Variants in NBEA observed in about 807,000 individuals in gnomAD.
The protein encoded by NBEA is lysosomal-trafficking regulator 2.
Under a neutral mutation model 343.4 loss-of-function variants are expected in NBEA, and 44 were observed. The observed-to-expected ratio is 0.13, with a 90% CI of 0.10 to 0.16. The LOEUF (loss-of-function observed/expected upper bound fraction) is 0.16, where lower values mean the gene tolerates loss of function less well. NBEA is among the 10% of genes least tolerant of loss of function. The probability of loss-of-function intolerance (pLI) is 1.00; values close to 1 mark genes in which losing one functional copy is unlikely to be tolerated. For synonymous variants in NBEA, 1,175 were observed against 1,238.7 expected (o/e 0.95, Z 1.08); for missense variants, 2,555 against 3,631.3 (o/e 0.70, Z 7.62).
chr13:35,523,506 G>T (rs1258608771), intron 41 of NBEA, among the ~76,000 whole-genome samples: 1 of 152,116 alleles, frequency 6.6e-6, no homozygotes. Context: ...GAGCAGTCTG[G>T]GCTGGACCCT....
At chr13:35,246,926 G>A (rs956025472) in intron 34 of NBEA, among the ~76,000 whole-genome samples, 1 of 152,120 alleles carries the variant, frequency 6.6e-6, no homozygotes, top group African/African-American at 2.4e-5. Context: ...GCAGGGTTAG[G>A]CATTTCTGAG....
intron 16 of NBEA, 69 bp downstream of exon 16, chr13:35,118,543 C>T (rs1192143720): frequency 6.4e-6 from 7 of 1,097,796 alleles, no homozygotes; most frequent in Middle Eastern, 6.0e-4. Context: ...AGAATAACTG[C>T]TATTCTATGA....
At chr13:35,104,415 T>C (rs1362600156) in intron 11 of NBEA, among the ~76,000 whole-genome samples, 1 of 151,938 alleles carries the variant, frequency 6.6e-6, no homozygotes, top group African/African-American at 2.4e-5. Flanking sequence ...TATATATTTT[T>C]GTCTCCCCTT....
intron 18 of NBEA, among the ~76,000 whole-genome samples, chr13:35,142,976 A>G (rs2068178854): frequency 6.6e-6 from 1 of 152,176 alleles, no homozygotes; most frequent in Admixed American, 6.5e-5. Flanking sequence ...GTAAAATGTT[A>G]GTAATGTCCC....
chr13:35,146,710 C>T (rs1006702625), intron 18 of NBEA, among the ~76,000 whole-genome samples: 1 of 152,236 alleles, frequency 6.6e-6, no homozygotes. Context: ...TGAAGCATCC[C>T]TCTGGGTGAC....
intron 41 of NBEA, among the ~76,000 whole-genome samples, chr13:35,496,211 C>T (rs1204715573): frequency 2.0e-5 from 3 of 151,936 alleles, no homozygotes; most frequent in African/African-American, 7.2e-5. Flanking sequence ...ACACAAACTC[C>T]TGGGTTTAAG....
At chr13:35,069,761 TA>T in intron 8 of NBEA, 146 bp from the exon 9 acceptor site, 1 of 435,276 alleles carries the variant, frequency 2.3e-6, no homozygotes, top group Non-Finnish European at 4.0e-6. Context: ...GAAGTGACAA[TA>T]ACAAAGTAAG....
intron 11 of NBEA, among the ~76,000 whole-genome samples, chr13:35,107,779 G>T (rs530694373): frequency 3.9e-5 from 6 of 152,000 alleles, no homozygotes; most frequent in Admixed American, 1.3e-4. Context: ...CTACCTTTAA[G>T]GTAAAGGAAA....
At chr13:35,277,097 A>C (rs1161120475) in intron 34 of NBEA, among the ~76,000 whole-genome samples, 1 of 152,190 alleles carries the variant, frequency 6.6e-6, no homozygotes, top group Non-Finnish European at 1.5e-5. Flanking sequence ...TATATGTAAA[A>C]ATTCAGCTAG....
intron 33 of NBEA, among the ~76,000 whole-genome samples, chr13:35,228,099 A>G (rs2152766983): frequency 6.6e-6 from 1 of 152,016 alleles, no homozygotes; most frequent in East Asian, 1.9e-4. Flanking sequence ...GATTAATTGT[A>G]TTTTTATTCA....
At chr13:35,606,927 C>T (rs1031267891) in intron 48 of NBEA, among the ~76,000 whole-genome samples, 15 of 152,042 alleles carry the variant, frequency 9.9e-5, no homozygotes, top group East Asian at 1.9e-4. Flanking sequence ...TAAATCTGAA[C>T]GCTTTTTTCA....
At chr13:35,537,925 C>G (rs903826840) in intron 41 of NBEA, among the ~76,000 whole-genome samples, 6 of 152,198 alleles carry the variant, frequency 3.9e-5, no homozygotes, top group African/African-American at 1.4e-4. Flanking sequence ...CTTATGATTT[C>G]TGTTGACTGC....
At chr13:35,450,532 T>C (rs2046258339) in intron 39 of NBEA, among the ~76,000 whole-genome samples, 1 of 152,030 alleles carries the variant, frequency 6.6e-6, no homozygotes. Flanking sequence ...TAGGCAGTAA[T>C]GGACTGTTGG....
At chr13:35,548,942 C>A (rs2079185714) in intron 41 of NBEA, among the ~76,000 whole-genome samples, 2 of 152,108 alleles carry the variant, frequency 1.3e-5, no homozygotes, top group African/African-American at 2.4e-5. Context: ...AACTTAATAG[C>A]CAGGGTCATG....
rs140657423 is a variant in NBEA at position 35,054,412 on chromosome 13, C to A, written c.973-1598C>A. Among the ~76,000 whole-genome samples, 711 of 151,942 alleles carry A rather than the reference C, an allele frequency of 4.7e-3. 6 individuals are homozygous for A. Among genetic ancestry groups the A allele is most frequent in the African/African-American group, 0.017 (686 of 41,468 alleles). ...TAAATGAATACTTTAAAGATTTTCT[C>A]TTCTGATTTTAATCAGGGCTAACAT... On this transcript the variant is annotated intron_variant, in intron 6 of 58. Transcript: ENST00000379939.
intron 40 of NBEA, among the ~76,000 whole-genome samples, chr13:35,470,093 T>C (rs562656462): frequency 6.6e-6 from 1 of 152,240 alleles, no homozygotes. Flanking sequence ...GAAGTTGTAA[T>C]TGGAGATTTC....
chr13:35,588,693 G>C (rs2081394468), intron 46 of NBEA, among the ~76,000 whole-genome samples: 1 of 152,108 alleles, frequency 6.6e-6, no homozygotes, highest in Non-Finnish European at 1.5e-5. Context: ...AGTTTCTTCA[G>C]ATATTAATAT....
chr13:35,437,827 T>C (rs548749239), intron 39 of NBEA, among the ~76,000 whole-genome samples: 1 of 152,318 alleles, frequency 6.6e-6, no homozygotes, highest in East Asian at 1.9e-4. Flanking sequence ...AGGAGGGTTT[T>C]GTATATTGTT....
At chr13:35,046,931 T>C (rs989111751) in intron 4 of NBEA, among the ~76,000 whole-genome samples, 1 of 152,144 alleles carries the variant, frequency 6.6e-6, no homozygotes, top group Non-Finnish European at 1.5e-5. Context: ...TTCTTATGTC[T>C]TCATTTGTGA....
Sources: allele counts gnomAD v4.1 joint callset (sites outside exome capture counted in the v4.1 genomes callset), GRCh38; gene constraint gnomAD v4.1.1; transcripts MANE v1.5; gene names NCBI Gene and HGNC (gene_info 2026-07-23, HGNC 2026-07-21).